Variants in NRG1 observed in about 807,000 individuals in gnomAD.
The protein encoded by NRG1 is neuregulin 1, also known as pro-neuregulin-1, membrane-bound isoform.
A neutral mutation model predicts 63.8 loss-of-function variants in NRG1; 18 were observed. That is an observed-to-expected ratio of 0.28 (90% CI 0.19 to 0.42). The LOEUF (loss-of-function observed/expected upper bound fraction) is 0.42, where lower values mean the gene tolerates loss of function less well. Ranked by LOEUF, NRG1 falls within the 10% of genes least tolerant of loss-of-function variation. NRG1 has a pLI of 1.00. For synonymous variants in NRG1, 302 were observed against 301.3 expected (o/e 1.00, Z -0.02); for missense variants, 762 against 814.7 (o/e 0.94, Z 0.79).
chr8:31,884,909 AG>A, intron 1 of NRG1, among the ~76,000 whole-genome samples: 1 of 152,294 alleles, frequency 6.6e-6, no homozygotes, highest in East Asian at 1.9e-4. Context: ...TGTATAAAAG[AG>A]AAAAAAGACT....
intron 1 of NRG1, among the ~76,000 whole-genome samples, chr8:32,209,654 A>G (rs1370314161): frequency 6.6e-6 from 1 of 152,200 alleles, no homozygotes; most frequent in African/African-American, 2.4e-5. Flanking sequence ...TCAAATGAGC[A>G]AACTTCATCC....
intron 1 of NRG1, among the ~76,000 whole-genome samples, chr8:32,535,330 T>G (rs751347617): frequency 1.3e-5 from 2 of 152,216 alleles, no homozygotes; most frequent in Non-Finnish European, 2.9e-5. Context: ...GGCTGTGATA[T>G]GTTTTCGAGT....
intron 1 of NRG1, among the ~76,000 whole-genome samples, chr8:32,305,662 A>G (rs1172165286): frequency 6.6e-6 from 1 of 152,234 alleles, no homozygotes; most frequent in African/African-American, 2.4e-5. Flanking sequence ...TAACAAAAAT[A>G]GATCTCACAG....
chr8:32,675,225 A>G (rs1806768535), intron 5 of NRG1, among the ~76,000 whole-genome samples: 1 of 152,092 alleles, frequency 6.6e-6, no homozygotes, highest in African/African-American at 2.4e-5. Context: ...CAAGCTGTAT[A>G]TTTTTTTCTT....
Position 32,742,565 on chromosome 8 carries a change from A to T in NRG1, c.633-110A>T. The T allele has an allele frequency of 1.0e-6, 1 of 965,622 alleles. No homozygotes were observed. Among genetic ancestry groups the T allele is most frequent in the Non-Finnish European group, 1.6e-6 (1 of 626,666 alleles). 59.8% of individuals were successfully genotyped at this position (965,622 alleles called of 1,614,324 possible). A position where few individuals can be genotyped will look rare whatever the true frequency, so the allele number is the denominator to read the frequency against. On this transcript the variant is annotated intron_variant, in intron 6 of 11. Transcript: ENST00000356819. This position sits in a 1 kb window ranked among gnomAD's most constrained non-coding sequence, Gnocchi z 4.2. ...GCAAAGATTCAGTTCCTGAGGGTGA[A>T]CTCACCAAGTTTCAGTCAAATGACA...
At chr8:32,341,487 A>C (rs1804071080) in intron 1 of NRG1, among the ~76,000 whole-genome samples, 1 of 152,206 alleles carries the variant, frequency 6.6e-6, no homozygotes, top group East Asian at 1.9e-4. Flanking sequence ...TGGGATCTTC[A>C]GACTCAGATT....
chr8:31,671,000 C>T (rs1807081472), intron 1 of NRG1, among the ~76,000 whole-genome samples: 1 of 152,148 alleles, frequency 6.6e-6, no homozygotes, highest in Admixed American at 6.5e-5. Context: ...TTGTTCCCAT[C>T]TTTATATCCA....
At chr8:31,845,049 G>C (rs1392200035) in intron 1 of NRG1, among the ~76,000 whole-genome samples, 1 of 152,074 alleles carries the variant, frequency 6.6e-6, no homozygotes, top group East Asian at 1.9e-4. Flanking sequence ...GGAGGTTGCA[G>C]TGAGCTGAGA....
chr8:32,161,475 C>G (rs78525587), intron 1 of NRG1, among the ~76,000 whole-genome samples: 1 of 151,782 alleles, frequency 6.6e-6, no homozygotes, highest in Admixed American at 6.6e-5. Flanking sequence ...GGAGCATCCT[C>G]GGGTGAAAAA....
intron 1 of NRG1, among the ~76,000 whole-genome samples, chr8:32,059,402 C>T (rs1823492967): frequency 6.6e-6 from 1 of 151,914 alleles, no homozygotes; most frequent in Admixed American, 6.6e-5. Flanking sequence ...TGCTATCAAT[C>T]TTCTTGGTTA....
chr8:32,528,021 A>G (rs1351152171), intron 1 of NRG1, among the ~76,000 whole-genome samples: 1 of 152,064 alleles, frequency 6.6e-6, no homozygotes, highest in Non-Finnish European at 1.5e-5. Flanking sequence ...TCAAGCTTAC[A>G]TCTGCTCCAG....
chr8:32,612,449 G>A (rs1356518473), intron 3 of NRG1, among the ~76,000 whole-genome samples: 1 of 152,002 alleles, frequency 6.6e-6, no homozygotes, highest in Non-Finnish European at 1.5e-5. Flanking sequence ...GGTTAATTCA[G>A]AAAGTTTGTA....
chr8:32,559,226 G>C (rs1324750239), intron 1 of NRG1, among the ~76,000 whole-genome samples: 2 of 80,194 alleles, frequency 2.5e-5, no homozygotes, highest in Non-Finnish European at 5.3e-5. Flanking sequence ...GTATTAGTAT[G>C]TCATCTCACT....
rs143253608 is a variant in NRG1 at position 32,185,758 on chromosome 8, G to A, written c.38-410070G>A. 7.2e-4 allele frequency among the ~76,000 whole-genome samples: 110 copies of A among 152,238 alleles called. 1 individual carries two copies. Among genetic ancestry groups the A allele is most frequent in the Middle Eastern group, 6.8e-3 (2 of 294 alleles). ...TTGACTTCTTGGCCTGATCTCACCAGTGAAAACCCATGGGAACAGTTAATA... is the reference window on the plus strand; with the variant it reads ...TTGACTTCTTGGCCTGATCTCACCAATGAAAACCCATGGGAACAGTTAATA... On this transcript the variant is annotated intron_variant, in intron 1 of 10. Coordinates refer to the NRG1 transcript ENST00000519301.
intron 1 of NRG1, among the ~76,000 whole-genome samples, chr8:31,674,304 T>C (rs1342822501): frequency 6.6e-6 from 1 of 152,308 alleles, no homozygotes; most frequent in Middle Eastern, 3.4e-3. Context: ...CTGGGTCATA[T>C]GGTAAATCTG....
Position 31,933,632 on chromosome 8 carries a change from A to T in NRG1, c.37+294201A>T, listed in dbSNP as rs116967124. ...AAACTGAGACACAGAGAGAGAATATACATTAAGATCAGAAAGCTAGAAAGT... is the reference window on the plus strand; with the variant it reads ...AAACTGAGACACAGAGAGAGAATATTCATTAAGATCAGAAAGCTAGAAAGT... On this transcript the variant is annotated intron_variant, in intron 1 of 10. Coordinates refer to the NRG1 transcript ENST00000519301. Among the ~76,000 whole-genome samples the T allele has an allele frequency of 3.4e-3, 524 of 152,326 alleles. 3 individuals carry two copies. The highest frequency in any genetic ancestry group is 0.027 in the South Asian group (128 of 4,830).
intron 1 of NRG1, among the ~76,000 whole-genome samples, chr8:32,385,058 C>T (rs1451075189): frequency 2.0e-5 from 3 of 152,194 alleles, no homozygotes; most frequent in African/African-American, 7.2e-5. Context: ...CTCGCTCTGT[C>T]ACCCAGGCTG....
chr8:32,636,965 T>C (rs546364117), intron 5 of NRG1, among the ~76,000 whole-genome samples: 3 of 152,212 alleles, frequency 2.0e-5, no homozygotes, highest in Admixed American at 6.5e-5. Context: ...AAATGTAGCA[T>C]TGGTGGATTA....
At chr8:32,494,146 A>G (rs886398291) in intron 1 of NRG1, among the ~76,000 whole-genome samples, 2 of 152,228 alleles carry the variant, frequency 1.3e-5, no homozygotes, top group African/African-American at 4.8e-5. Flanking sequence ...AAAGATGAAC[A>G]GAAGTGTTCC....
Sources: gnomAD v4.1 joint callset for allele counts (sites outside exome capture counted in the v4.1 genomes callset) on GRCh38, gnomAD v4.1.1 for gene constraint, Gnocchi (gnomAD v3.1) non-coding constraint, MANE v1.5 for transcripts, NCBI Gene and HGNC (gene_info 2026-07-23, HGNC 2026-07-21) for gene names.